The following RAB3B variants were observed in gnomAD, a reference collection of about 807,000 sequenced individuals.
The protein encoded by RAB3B is ras-related protein Rab-3B.
In RAB3B, 11 loss-of-function variants were observed where a neutral mutation model predicts 20.5. The observed-to-expected ratio is 0.54, with a 90% CI of 0.34 to 0.89. The LOEUF (loss-of-function observed/expected upper bound fraction) is 0.89, where lower values mean the gene tolerates loss of function less well. Ranked by LOEUF, RAB3B falls within the 40% of genes least tolerant of loss-of-function variation. The pLI is 0.02. For synonymous variants in RAB3B, 99 were observed against 106.3 expected (o/e 0.93, Z 0.42); for missense variants, 225 against 280.9 (o/e 0.80, Z 1.42).
At chr1:51,971,429 T>C (rs1273534310) in intron 2 of RAB3B, among the ~76,000 whole-genome samples, 3 of 151,564 alleles carry the variant, frequency 2.0e-5, no homozygotes, top group African/African-American at 7.3e-5. Context: ...TTTTTCTTTT[T>C]TCTTTTCTTT....
chr1:51,956,923 G>T (rs1684714811), intron 2 of RAB3B, among the ~76,000 whole-genome samples: 1 of 152,140 alleles, frequency 6.6e-6, no homozygotes, highest in Non-Finnish European at 1.5e-5. Context: ...AAAGACCCGA[G>T]CCAGAAAGTC....
In RAB3B at chr1:51,912,693, C is replaced by A. The variant is rs1296054239; in HGVS notation, c.*7234G>T. ...GGAACTCTGTGGTAGCTCTCTAGGG[C>A]AGAAAACAATGGTGGCCTGGACCAA... On this transcript the variant is annotated 3_prime_UTR_variant, in exon 5 of 5. Transcript: ENST00000371655. The A allele has an allele frequency of 6.8e-6, 1 of 147,908 alleles. No individual in the cohort carries two copies. The highest frequency in any genetic ancestry group is 1.5e-5 in the Non-Finnish European group (1 of 67,354). The allele number at this position is 147,908 out of a possible 1,614,324, so 9.2% of individuals were successfully genotyped here.
Position 51,937,341 on chromosome 1 carries a change from C to T in RAB3B, c.300G>A (p.Leu100=). 1 of 1,613,476 alleles carries T rather than the reference C, an allele frequency of 6.2e-7. No homozygotes were observed. The highest frequency in any genetic ancestry group is 8.5e-7 in the Non-Finnish European group (1 of 1,179,630). ...AYYRGAMGFI[L]MYDITNEESF... ...ACTCTTCATTGGTGATGTCATACAT[C>T]AGAATGAAGCCCATGGCCCCACGGT... The change falls in exon 3 of 5, where the codon CTG becomes CTA. Residue 100 remains leucine (L), a synonymous_variant. Coordinates refer to ENST00000371655, the MANE Select transcript of RAB3B (RefSeq NM_002867.4).
At chr1:51,938,678 T>TC (rs1266206497) in intron 2 of RAB3B, among the ~76,000 whole-genome samples, 1 of 27,484 alleles carries the variant, frequency 3.6e-5, no homozygotes, top group Non-Finnish European at 8.6e-5. Context: ...CTTCATGTAA[T>TC]TTTTTTTTTT....
chr1:51,957,647 A>G (rs1323447883), intron 2 of RAB3B, among the ~76,000 whole-genome samples: 1 of 152,344 alleles, frequency 6.6e-6, no homozygotes. Flanking sequence ...AGTTCTGTAT[A>G]AACAGTCGTG....
intron 2 of RAB3B, among the ~76,000 whole-genome samples, chr1:51,958,808 G>A (rs1192971505): frequency 3.3e-5 from 5 of 152,166 alleles, no homozygotes; most frequent in Non-Finnish European, 5.9e-5. Flanking sequence ...CAGCCACTGA[G>A]GGGCAGAACT....
chr1:51,929,779 AT>A (rs1414955248), intron 4 of RAB3B, among the ~76,000 whole-genome samples: 1 of 152,184 alleles, frequency 6.6e-6, no homozygotes, highest in African/African-American at 2.4e-5. Context: ...TTTAATTAAT[AT>A]TTGTGTAAGT....
At chr1:51,974,943 G>A (rs983429367) in intron 2 of RAB3B, among the ~76,000 whole-genome samples, 1 of 152,258 alleles carries the variant, frequency 6.6e-6, no homozygotes, top group African/African-American at 2.4e-5. Context: ...GCTGGGCGTG[G>A]TGGCTCACGC....
rs1037074031 is a variant in RAB3B at position 51,932,795 on chromosome 1, T to G, written c.472+523A>C. Among the ~76,000 whole-genome samples, 3 of 152,288 alleles carry G rather than the reference T, an allele frequency of 2.0e-5. 1 individual carries two copies. In the South Asian group the frequency reaches 6.2e-4, roughly 32 times the overall value. ...TGGAATAATGGGTTTGTTTTTATAC[T>G]AGGACACTCTAAACCATGTAGCTGA... On this transcript the variant is annotated intron_variant, in intron 4 of 4. Coordinates refer to ENST00000371655, the MANE Select transcript of RAB3B (RefSeq NM_002867.4).
chr1:51,934,144 A>G (rs1429735447), intron 3 of RAB3B, among the ~76,000 whole-genome samples: 1 of 152,178 alleles, frequency 6.6e-6, no homozygotes, highest in Non-Finnish European at 1.5e-5. Context: ...CAGATTCCTC[A>G]GTTCAAGATC....
At chr1:51,959,520 G>T (rs1684757703) in intron 2 of RAB3B, among the ~76,000 whole-genome samples, 1 of 152,058 alleles carries the variant, frequency 6.6e-6, no homozygotes, top group Non-Finnish European at 1.5e-5. Flanking sequence ...CCAAAAAAAG[G>T]AAGAGAAACA....
intron 2 of RAB3B, among the ~76,000 whole-genome samples, chr1:51,967,521 C>CTTTTTTTTTTTTTTTCTTT (rs1684871718): frequency 2.7e-5 from 1 of 36,496 alleles, no homozygotes; most frequent in Non-Finnish European, 5.7e-5. Context: ...TTTTCTTTTT[C>CTTTTTTTTTTTTTTTCTTT]TTTTTTTTTT....
chr1:51,983,181 C>A (rs1033790860), intron 1 of RAB3B, among the ~76,000 whole-genome samples: 3 of 151,982 alleles, frequency 2.0e-5, no homozygotes, highest in Admixed American at 6.6e-5. Flanking sequence ...TGATGAAACT[C>A]CATCCCTATT....
chr1:51,945,368 GT>G (rs903258828), intron 2 of RAB3B, among the ~76,000 whole-genome samples: 14 of 152,114 alleles, frequency 9.2e-5, no homozygotes, highest in African/African-American at 1.4e-4. Context: ...TATGTAAATT[GT>G]TTTAGGCATA....
In RAB3B at chr1:51,933,406, T is replaced by C; in HGVS notation, c.384A>G (p.Ala128=). Residue 128 remains alanine, a synonymous_variant, in exon 4 of 5, where the codon GCA becomes GCG. Transcript: ENST00000371655. ...TQIKTYSWDN[A]QVILVGNKCD... The stretch of plus-strand genomic sequence containing the variant: ...ACTTGTTCCCCACCAGAATAACTTG[T>C]GCATTGTCCCAGGAGTAGGTCTTGA... 1 of 1,613,596 alleles carries C rather than the reference T, an allele frequency of 6.2e-7. No individual in the cohort carries two copies. Among genetic ancestry groups the C allele is most frequent in the Non-Finnish European group, 8.5e-7 (1 of 1,179,528 alleles).
chr1:51,976,206 C>T (rs1267940935), intron 2 of RAB3B, among the ~76,000 whole-genome samples: 1 of 151,934 alleles, frequency 6.6e-6, no homozygotes, highest in Non-Finnish European at 1.5e-5. Context: ...CGCTCCGTTG[C>T]ACAGGCTGGA....
chr1:51,939,938 T>C (rs1350821677), intron 2 of RAB3B, among the ~76,000 whole-genome samples: 3 of 152,194 alleles, frequency 2.0e-5, no homozygotes, highest in Admixed American at 6.5e-5. Flanking sequence ...CAATGAAAGA[T>C]TGATTTATTC....
At chr1:51,951,910 A>G (rs920584731) in intron 2 of RAB3B, among the ~76,000 whole-genome samples, 4 of 152,242 alleles carry the variant, frequency 2.6e-5, no homozygotes. Flanking sequence ...ACTGGAATCC[A>G]GGATTAAGGA....
chr1:51,961,352 G>A (rs1684781411), intron 2 of RAB3B, among the ~76,000 whole-genome samples: 1 of 152,156 alleles, frequency 6.6e-6, no homozygotes, highest in Non-Finnish European at 1.5e-5. Flanking sequence ...CCGTTTCTGA[G>A]AGTGTTTGTT....
Sources: allele counts gnomAD v4.1 joint callset (sites outside exome capture counted in the v4.1 genomes callset), GRCh38; gene constraint gnomAD v4.1.1; transcripts MANE v1.5; gene names NCBI Gene and HGNC (gene_info 2026-07-23, HGNC 2026-07-21).